Variants in LHFPL6 observed in about 807,000 individuals in gnomAD.
LHFPL6 encodes LHFPL tetraspan subfamily member 6.
A neutral mutation model predicts 20.6 loss-of-function variants in LHFPL6; 9 were observed. That is an observed-to-expected ratio of 0.44 (90% CI 0.26 to 0.76). The LOEUF (loss-of-function observed/expected upper bound fraction) is 0.76. LHFPL6 is among the 30% of genes least tolerant of loss of function. LHFPL6 has a pLI of 0.20. For missense variants in LHFPL6, 218 were observed against 253.5 expected (o/e 0.86, Z 0.95); for synonymous variants, 105 against 98.7 (o/e 1.06, Z -0.38).
At chr13:39,475,353 T>A (rs1873058159) in intron 2 of LHFPL6, among the ~76,000 whole-genome samples, 1 of 152,146 alleles carries the variant, frequency 6.6e-6, no homozygotes, top group African/African-American at 2.4e-5. Context: ...TAAGATCAGA[T>A]GTGCTTAATA....
In LHFPL6 at chr13:39,477,730, T is replaced by C. The variant is rs186420366; in HGVS notation, c.386-99204A>G. ...TTGCCAGTGAATAACCTGTATCTAC[T>C]CCCTAGTCAAGTGAGAAGAGAATGT... On this transcript the variant is annotated intron_variant, in intron 2 of 3. Transcript: ENST00000379589. Among the ~76,000 whole-genome samples the C allele has an allele frequency of 1.3e-4, 20 of 152,348 alleles. 1 individual carries two copies. The highest frequency in any genetic ancestry group is 2.2e-4 in the African/African-American group (9 of 41,580).
intron 2 of LHFPL6, among the ~76,000 whole-genome samples, chr13:39,545,515 C>A (rs1309742192): frequency 6.6e-6 from 1 of 151,938 alleles, no homozygotes; most frequent in Non-Finnish European, 1.5e-5. Flanking sequence ...AAATTACTAA[C>A]CTCTCTCAGT....
At chr13:39,410,977 C>T (rs764218425) in intron 2 of LHFPL6, among the ~76,000 whole-genome samples, 11 of 152,264 alleles carry the variant, frequency 7.2e-5, no homozygotes, top group Non-Finnish European at 1.3e-4. Context: ...TATAAATAAG[C>T]GGTTTATTAT....
At chr13:39,348,782 C>G (rs55962112) in intron 3 of LHFPL6, among the ~76,000 whole-genome samples, 1 of 152,250 alleles carries the variant, frequency 6.6e-6, no homozygotes, top group African/African-American at 2.4e-5. Context: ...GCAGAGCTTT[C>G]GGCACCAGCT....
At chr13:39,396,268 G>A (rs976750730) in intron 2 of LHFPL6, among the ~76,000 whole-genome samples, 4 of 152,050 alleles carry the variant, frequency 2.6e-5, no homozygotes, top group African/African-American at 9.7e-5. Flanking sequence ...ACCTGATATT[G>A]TATATAAGGG....
At chr13:39,532,739 A>G (rs1359092902) in intron 2 of LHFPL6, among the ~76,000 whole-genome samples, 3 of 152,178 alleles carry the variant, frequency 2.0e-5, no homozygotes, top group Non-Finnish European at 4.4e-5. Context: ...ATTCCAACTT[A>G]TGTTTAGAAG....
chr13:39,416,777 GA>G (rs1306266670), intron 2 of LHFPL6, among the ~76,000 whole-genome samples: 1 of 152,236 alleles, frequency 6.6e-6, no homozygotes, highest in Non-Finnish European at 1.5e-5. Context: ...AGAGGTGGTA[GA>G]AAAAATTTGT....
chr13:39,500,290 G>A (rs1869248651), intron 2 of LHFPL6, among the ~76,000 whole-genome samples: 1 of 151,948 alleles, frequency 6.6e-6, no homozygotes, highest in East Asian at 1.9e-4. Flanking sequence ...CTGCAGCCTC[G>A]ACCTCCTGGG....
chr13:39,568,919 A>G (rs1472606962), intron 2 of LHFPL6, among the ~76,000 whole-genome samples: 2 of 151,796 alleles, frequency 1.3e-5, no homozygotes, highest in Non-Finnish European at 2.9e-5. Context: ...TTTCACCCAC[A>G]CTCCTCAATC....
intron 2 of LHFPL6, among the ~76,000 whole-genome samples, chr13:39,532,269 A>T (rs9285135): frequency 0.81 from 122,173 of 151,496 alleles, 49,508 homozygotes; most frequent in Middle Eastern, 0.87. Flanking sequence ...CCAAGTGCCT[A>T]CCAAATGGAG....
intron 2 of LHFPL6, among the ~76,000 whole-genome samples, chr13:39,387,813 G>A (rs1566099973): frequency 6.6e-6 from 1 of 152,134 alleles, no homozygotes; most frequent in African/African-American, 2.4e-5. Context: ...TGGGAAGGAG[G>A]AATGGGGTAG....
chr13:39,538,867 A>T (rs1021321816), intron 2 of LHFPL6, among the ~76,000 whole-genome samples: 2 of 152,210 alleles, frequency 1.3e-5, no homozygotes, highest in Non-Finnish European at 2.9e-5. Flanking sequence ...TCTTAATATA[A>T]AATGTGATTT....
At chr13:39,541,604 G>A (rs1870800588) in intron 2 of LHFPL6, among the ~76,000 whole-genome samples, 1 of 152,096 alleles carries the variant, frequency 6.6e-6, no homozygotes. Flanking sequence ...CAGCTCATGA[G>A]GATTGTCTCT....
rs150421421 is a variant in LHFPL6 at position 39,440,992 on chromosome 13, C to T, written c.386-62466G>A. Among the ~76,000 whole-genome samples, 166 of 152,186 alleles carry T rather than the reference C, an allele frequency of 1.1e-3. 1 individual carries two copies. In the Middle Eastern group the frequency reaches 0.024, roughly 22 times the overall value. Reference sequence around the variant, plus strand: ...TGCCATGATTGTGAGGCCTCCCCCCCAGCCATGCGAAACTGTAAGTCCAAT... The same window carrying T: ...TGCCATGATTGTGAGGCCTCCCCCCTAGCCATGCGAAACTGTAAGTCCAAT... On this transcript the variant is annotated intron_variant, in intron 2 of 3. Transcript: ENST00000379589.
At chr13:39,461,523 G>A (rs1872687844) in intron 2 of LHFPL6, among the ~76,000 whole-genome samples, 1 of 152,144 alleles carries the variant, frequency 6.6e-6, no homozygotes, top group African/African-American at 2.4e-5. Flanking sequence ...GAGGAATCTA[G>A]TTCCACAGTC....
chr13:39,492,610 CA>C (rs529464316), intron 2 of LHFPL6, among the ~76,000 whole-genome samples: 5 of 151,334 alleles, frequency 3.3e-5, no homozygotes, highest in African/African-American at 9.7e-5. Flanking sequence ...ATATTTTTTC[CA>C]AAAAAAGGTA....
intron 2 of LHFPL6, among the ~76,000 whole-genome samples, chr13:39,427,214 C>T (rs879338554): frequency 4.6e-5 from 7 of 152,144 alleles, no homozygotes; most frequent in Non-Finnish European, 7.3e-5. Flanking sequence ...CCTATACGGA[C>T]GAACATGGCA....
chr13:39,538,776 A>C (rs1199835053), intron 2 of LHFPL6, among the ~76,000 whole-genome samples: 2 of 152,178 alleles, frequency 1.3e-5, no homozygotes, highest in East Asian at 1.9e-4. Flanking sequence ...CAATTTGGTT[A>C]TACAGCAACA....
intron 2 of LHFPL6, among the ~76,000 whole-genome samples, chr13:39,518,900 T>C (rs1162919300): frequency 6.6e-6 from 1 of 152,218 alleles, no homozygotes; most frequent in Non-Finnish European, 1.5e-5. Context: ...GAAGTGAGAA[T>C]GAGTTAATAA....
Sources: gnomAD v4.1 joint callset for allele counts (sites outside exome capture counted in the v4.1 genomes callset) on GRCh38, gnomAD v4.1.1 for gene constraint, MANE v1.5 for transcripts, NCBI Gene and HGNC (gene_info 2026-07-23, HGNC 2026-07-21) for gene names.